The following TCOF1 variants were observed in gnomAD, a reference collection of about 807,000 sequenced individuals.
TCOF1 encodes treacle protein.
Under a neutral mutation model 149.0 loss-of-function variants are expected in TCOF1, and 33 were observed. That is an observed-to-expected ratio of 0.22 (90% CI 0.17 to 0.30). The LOEUF is 0.30. Ranked by LOEUF, TCOF1 falls within the 10% of genes least tolerant of loss-of-function variation. The pLI, the probability that TCOF1 is intolerant of heterozygous loss-of-function variation, is 1.00. For synonymous variants in TCOF1, 789 were observed against 738.8 expected (o/e 1.07, Z -1.10); for missense variants, 1,728 against 1,840.7 (o/e 0.94, Z 1.12).
chr5:150,359,096 C>T lies in TCOF1; in HGVS notation c.108+1242C>T, dbSNP rs538262185. 8.5e-5 allele frequency among the ~76,000 whole-genome samples: 13 copies of T among 152,188 alleles called. No homozygotes were observed. The South Asian group carries it at 2.7e-3, about 32-fold the overall frequency. On this transcript the variant is annotated intron_variant, in intron 1 of 26. Transcript: ENST00000643257. ...GTACGGTAGCTCACGCCTGTAATCC[C>T]AGCACTTTGGGAGGCCGAGGCAGGC...
At chr5:150,399,576 A>G (rs958637293) in intron 26 of TCOF1, among the ~76,000 whole-genome samples, 1 of 152,136 alleles carries the variant, frequency 6.6e-6, no homozygotes, top group Admixed American at 6.5e-5. Flanking sequence ...GTGGTCACCC[A>G]GCCTCCTGTA....
intron 24 of TCOF1, among the ~76,000 whole-genome samples, chr5:150,397,990 G>A (rs549864075): frequency 5.3e-5 from 8 of 152,096 alleles, no homozygotes; most frequent in Non-Finnish European, 1.2e-4. Context: ...TGTCAGGAAC[G>A]CAGCTCACTG....
At chr5:150,377,596 A>T (rs1581130313) in intron 14 of TCOF1, among the ~76,000 whole-genome samples, 2 of 151,152 alleles carry the variant, frequency 1.3e-5, no homozygotes, top group East Asian at 3.9e-4. Flanking sequence ...ATTTCTACTG[A>T]TTTTTTTTTG....
At chr5:150,383,127 G>A (rs796862496) in intron 17 of TCOF1, 15 of 1,535,938 alleles carry the variant, frequency 9.8e-6, no homozygotes, top group Middle Eastern at 1.7e-4. Context: ...AGAGGAACAC[G>A]GAGGGGTCCT....
intron 9 of TCOF1, 23 bp from the exon 10 acceptor site, chr5:150,374,931 C>CT (rs1763392818): frequency 6.2e-7 from 1 of 1,613,716 alleles, no homozygotes; most frequent in African/African-American, 1.3e-5. Flanking sequence ...TGGGCTCTCC[C>CT]CTCATCCTGT....
intron 7 of TCOF1, among the ~76,000 whole-genome samples, chr5:150,373,645 C>T (rs1763036663): frequency 1.3e-5 from 2 of 152,186 alleles, no homozygotes; most frequent in African/African-American, 4.8e-5. Context: ...GGTGGGCTTC[C>T]AGGGGTCCTG....
intron 17 of TCOF1, among the ~76,000 whole-genome samples, chr5:150,385,754 C>T (rs1766147981): frequency 1.3e-5 from 2 of 152,168 alleles, no homozygotes; most frequent in African/African-American, 4.8e-5. Context: ...AGGCATCAGA[C>T]CTACAGGTAG....
intron 14 of TCOF1, among the ~76,000 whole-genome samples, chr5:150,377,330 G>A (rs752426848): frequency 3.3e-5 from 5 of 152,140 alleles, no homozygotes; most frequent in Non-Finnish European, 5.9e-5. Flanking sequence ...GTTTGGGTGA[G>A]AATTTAGGTG....
intron 21 of TCOF1, 104 bp from the exon 22 acceptor site, chr5:150,392,601 G>A (rs1767665149): frequency 9.1e-7 from 1 of 1,097,082 alleles, no homozygotes; most frequent in Admixed American, 1.9e-5. Context: ...CAGGGGATGG[G>A]GGTGAGGGAC....
At position 150,396,188 on chromosome 5, in the gene TCOF1, T is replaced by C. The variant is rs923971028; in HGVS notation, c.3785-94T>C. 15 of 1,399,560 alleles carry C rather than the reference T, an allele frequency of 1.1e-5. No individual in the cohort carries two copies. The African/African-American group carries it at 1.8e-4, about 17-fold the overall frequency. The allele number at this position is 1,399,560 out of a possible 1,614,324, so 86.7% of individuals were successfully genotyped here. ...CCATCTGTGCCATTGTAAGAAAAGA[T>C]GGAGTCACTCCCTGCACCCTCTTCG... On this transcript the variant is annotated intron_variant, in intron 23 of 26. Coordinates refer to ENST00000643257, the MANE Select transcript of TCOF1 (RefSeq NM_001371623.1).
intron 20 of TCOF1, 45 bp from the exon 21 acceptor site, chr5:150,391,912 T>C: frequency 6.3e-7 from 1 of 1,597,918 alleles, no homozygotes. Context: ...CAGGTCTTAC[T>C]TGCCCTAATT....
At chr5:150,367,276 G>A (rs1224193913) in intron 3 of TCOF1, among the ~76,000 whole-genome samples, 1 of 152,218 alleles carries the variant, frequency 6.6e-6, no homozygotes, top group Non-Finnish European at 1.5e-5. Flanking sequence ...CTGCACTCCA[G>A]CCTGGGCGAC....
rs1454630250 is a variant in TCOF1, at chr5:150,389,074, TCTAC to T, written c.3047-809_3047-806del. ...TGGGCAACATAGTGAGAGCCCTATC[TCTAC>T]CTATCTACCTACCTACATACATATG... On this transcript the variant is annotated intron_variant, in intron 18 of 26. Coordinates refer to ENST00000643257, the MANE Select transcript of TCOF1 (RefSeq NM_001371623.1). Among the ~76,000 whole-genome samples, 11 of 152,322 alleles carry T rather than the reference TCTAC, an allele frequency of 7.2e-5. No homozygotes were observed. In the East Asian group the frequency reaches 1.5e-3, roughly 21 times the overall value.
At chr5:150,388,194 CG>C in intron 18 of TCOF1, 106 bp downstream of exon 18, 1 of 1,487,934 alleles carries the variant, frequency 6.7e-7, no homozygotes, top group Non-Finnish European at 9.2e-7. Flanking sequence ...AGGTGTTGGT[CG>C]GGAGGGGCTT....
At chr5:150,387,853 T>G in intron 17 of TCOF1, 49 bp from the exon 18 acceptor site, 1 of 1,612,594 alleles carries the variant, frequency 6.2e-7, no homozygotes, top group Non-Finnish European at 8.5e-7. Flanking sequence ...CTCCTTTCCC[T>G]GGCCAAGCCT....
At chr5:150,376,012 G>A in intron 12 of TCOF1, 70 bp from the exon 13 acceptor site, 2 of 1,613,494 alleles carry the variant, frequency 1.2e-6, no homozygotes, top group Non-Finnish European at 1.7e-6. Flanking sequence ...GGTTTTGGCT[G>A]GTGGGGCAGA....
At chr5:150,359,854 A>T (rs1759625788) in intron 1 of TCOF1, among the ~76,000 whole-genome samples, 1 of 152,172 alleles carries the variant, frequency 6.6e-6, no homozygotes, top group South Asian at 2.1e-4. Context: ...GGCAAGGGGG[A>T]TAAGGGATGT....
At chr5:150,376,028 T>C (rs1468181149) in intron 12 of TCOF1, 54 bp from the exon 13 acceptor site, 4 of 1,613,058 alleles carry the variant, frequency 2.5e-6, no homozygotes, top group African/African-American at 1.3e-5. Context: ...GCAGAACAGA[T>C]GGGGGACTCT....
At chr5:150,360,236 AC>A in intron 1 of TCOF1, among the ~76,000 whole-genome samples, 1 of 152,324 alleles carries the variant, frequency 6.6e-6, no homozygotes, top group East Asian at 1.9e-4. Context: ...AGTTCAGTCC[AC>A]CCGTGCCCCA....
Sources: allele counts gnomAD v4.1 joint callset (sites outside exome capture counted in the v4.1 genomes callset), GRCh38; gene constraint gnomAD v4.1.1; transcripts MANE v1.5; gene names NCBI Gene and HGNC (gene_info 2026-07-23, HGNC 2026-07-21).